DENND1A: variants seen among roughly 807,000 people sequenced by gnomAD.
The protein encoded by DENND1A is DENN domain containing 1A.
In DENND1A, 51 loss-of-function variants were observed where a neutral mutation model predicts 113.7. The ratio of observed to expected loss-of-function variants is 0.45; its 90% CI spans 0.36 to 0.57. The LOEUF (loss-of-function observed/expected upper bound fraction) is 0.57, where lower values mean the gene tolerates loss of function less well. Among genes scored for constraint, DENND1A ranks in the 20% least tolerant of loss-of-function variants. The probability of loss-of-function intolerance (pLI) is 0.00; values close to 1 mark genes in which losing one functional copy is unlikely to be tolerated. For missense variants in DENND1A, 1,258 were observed against 1,395.9 expected (o/e 0.90, Z 1.57); for synonymous variants, 565 against 570.8 (o/e 0.99, Z 0.14).
At chr9:123,504,660 C>T (rs1188228471) in intron 13 of DENND1A, among the ~76,000 whole-genome samples, 1 of 152,132 alleles carries the variant, frequency 6.6e-6, no homozygotes, top group Non-Finnish European at 1.5e-5. Flanking sequence ...TCTTTGGAGA[C>T]CTGCTGACCC....
intron 10 of DENND1A, among the ~76,000 whole-genome samples, chr9:123,618,156 G>A (rs977321436): frequency 3.3e-5 from 5 of 152,170 alleles, no homozygotes; most frequent in Non-Finnish European, 5.9e-5. Flanking sequence ...GCCAGCACCT[G>A]AAAAAGGCAG....
At chr9:123,413,077 G>A (rs763779586) in intron 19 of DENND1A, among the ~76,000 whole-genome samples, 6 of 152,172 alleles carry the variant, frequency 3.9e-5, no homozygotes, top group African/African-American at 1.4e-4. Flanking sequence ...CCACGTACTC[G>A]GGAGGCTAGG....
intron 13 of DENND1A, among the ~76,000 whole-genome samples, chr9:123,468,971 A>G (rs2049175495): frequency 6.6e-6 from 1 of 152,164 alleles, no homozygotes; most frequent in Non-Finnish European, 1.5e-5. Flanking sequence ...ACATTGCCTA[A>G]GGTCCCAGGG....
intron 13 of DENND1A, among the ~76,000 whole-genome samples, chr9:123,545,366 A>G (rs2056591959): frequency 6.6e-6 from 1 of 152,164 alleles, no homozygotes; most frequent in African/African-American, 2.4e-5. Flanking sequence ...ACACAACTGT[A>G]TCCTCTAATC....
In DENND1A at chr9:123,557,811, T is replaced by C. The variant is rs548303839; in HGVS notation, c.868-116A>G. ...CCTACGGATGGCAGGATCCATTTGATACCTCAGTTACTGGGAGGACAAAAA... is the reference window on the plus strand; with the variant it reads ...CCTACGGATGGCAGGATCCATTTGACACCTCAGTTACTGGGAGGACAAAAA... On this transcript the variant is annotated intron_variant, in intron 12 of 23. Transcript: ENST00000394215. The C allele has an allele frequency of 4.0e-5, 49 of 1,229,090 alleles. No individual in the cohort carries two copies. The African/African-American group carries it at 4.8e-4, about 12-fold the overall frequency. The allele number at this position is 1,229,090 out of a possible 1,614,324, so 76.1% of individuals were successfully genotyped here.
In DENND1A at chr9:123,414,436, C is replaced by T. The variant is rs559263297; in HGVS notation, c.1489-2607G>A. 1.4e-4 allele frequency: 204 copies of T among 1,465,174 alleles called. 1 individual carries two copies. The African/African-American group carries it at 2.6e-3, about 18-fold the overall frequency. 90.8% of individuals were successfully genotyped at this position (1,465,174 alleles called of 1,614,324 possible). ...AGTCTTGGCACTTGGCAGATGAAAT[C>T]ATCTCAGTGGAAGGCCGGCATCTCA... is the stretch of plus-strand genomic sequence containing the variant. On this transcript the variant is annotated intron_variant, in intron 19 of 23. Transcript: ENST00000394215.
intron 13 of DENND1A, among the ~76,000 whole-genome samples, chr9:123,507,863 T>C (rs2053107325): frequency 6.8e-6 from 1 of 147,504 alleles, no homozygotes; most frequent in Non-Finnish European, 1.5e-5. Context: ...TAAATATTTT[T>C]TGTCTTAAAA....
chr9:123,498,622 G>A (rs989074642), intron 13 of DENND1A, among the ~76,000 whole-genome samples: 2 of 152,202 alleles, frequency 1.3e-5, no homozygotes, highest in African/African-American at 2.4e-5. Flanking sequence ...TTGGAAGAAG[G>A]GGCACAGTAA....
chr9:123,698,209 A>G (rs2065647997), intron 5 of DENND1A, among the ~76,000 whole-genome samples: 1 of 152,188 alleles, frequency 6.6e-6, no homozygotes, highest in Non-Finnish European at 1.5e-5. Flanking sequence ...AGAACAAACC[A>G]AGGAGTCGTG....
chr9:123,451,323 C>G (rs111809838), intron 17 of DENND1A, among the ~76,000 whole-genome samples: 1 of 152,198 alleles, frequency 6.6e-6, no homozygotes, highest in African/African-American at 2.4e-5. Flanking sequence ...AGAGGACTAA[C>G]AAAATTAAAA....
chr9:123,594,682 T>C (rs1407696088), intron 11 of DENND1A, among the ~76,000 whole-genome samples: 1 of 152,052 alleles, frequency 6.6e-6, no homozygotes, highest in African/African-American at 2.4e-5. Flanking sequence ...GAAACAATGC[T>C]AGAGATTAAA....
intron 13 of DENND1A, among the ~76,000 whole-genome samples, chr9:123,526,730 C>T (rs900440011): frequency 6.6e-6 from 1 of 152,198 alleles, no homozygotes; most frequent in Non-Finnish European, 1.5e-5. Context: ...TTATCCTCAC[C>T]TTTCTGAAGA....
At chr9:123,907,784 C>T (rs11562302) in intron 1 of DENND1A, among the ~76,000 whole-genome samples, 7,313 of 122,106 alleles carry the variant, frequency 0.06, 343 homozygotes, top group African/African-American at 0.14. Flanking sequence ...AGGTAATTTA[C>T]AGATTCAATG....
intron 9 of DENND1A, among the ~76,000 whole-genome samples, chr9:123,639,777 CAAAAA>C (rs199515973): frequency 2.4e-4 from 28 of 115,680 alleles, no homozygotes; most frequent in Admixed American, 6.3e-4. Context: ...AACTCCATCT[CAAAAA>C]AAAAAAAAAA....
At chr9:123,876,686 C>G (rs1847517487) in intron 2 of DENND1A, among the ~76,000 whole-genome samples, 1 of 152,100 alleles carries the variant, frequency 6.6e-6, no homozygotes. Flanking sequence ...TTAAAATAGT[C>G]TCAAAACAAT....
intron 9 of DENND1A, among the ~76,000 whole-genome samples, chr9:123,632,976 C>G (rs59400949): frequency 0.016 from 2,378 of 152,178 alleles, 60 homozygotes; most frequent in African/African-American, 0.055. Context: ...GGCACGATCT[C>G]GGCTCACTAC....
At chr9:123,409,813 C>T (rs928248343) in intron 20 of DENND1A, among the ~76,000 whole-genome samples, 2 of 152,086 alleles carry the variant, frequency 1.3e-5, no homozygotes, top group African/African-American at 4.8e-5. Context: ...AACCGTTGGC[C>T]GGGTGCGGTG....
chr9:123,738,816 G>A (rs563057170), intron 5 of DENND1A, among the ~76,000 whole-genome samples: 3 of 152,304 alleles, frequency 2.0e-5, no homozygotes, highest in African/African-American at 7.2e-5. Context: ...TTTATCTGGG[G>A]ACAACTTTCA....
intron 2 of DENND1A, among the ~76,000 whole-genome samples, chr9:123,818,010 G>C (rs1171828745): frequency 6.6e-6 from 1 of 151,482 alleles, no homozygotes; most frequent in Non-Finnish European, 1.5e-5. Flanking sequence ...CTGACCAACA[G>C]AGTGAGACTC....
Sources: gnomAD v4.1 joint callset for allele counts (sites outside exome capture counted in the v4.1 genomes callset) on GRCh38, gnomAD v4.1.1 for gene constraint, MANE v1.5 for transcripts, NCBI Gene and HGNC (gene_info 2026-07-23, HGNC 2026-07-21) for gene names.